Variants in ST18 observed in about 807,000 individuals in gnomAD.
The protein encoded by ST18 is ST18 C2H2C-type zinc finger transcription factor.
ST18 carries 50 observed loss-of-function variants against 110.0 expected under a neutral mutation model. The observed-to-expected ratio is 0.45, with a 90% CI of 0.36 to 0.58. The LOEUF (loss-of-function observed/expected upper bound fraction) is 0.58, where lower values mean the gene tolerates loss of function less well. ST18 is among the 20% of genes least tolerant of loss of function. The pLI is 0.00. For missense variants in ST18, 1,306 were observed against 1,280.1 expected, an observed-to-expected ratio of 1.02 and a Z score of -0.31; for synonymous variants, 461 against 452.4, an observed-to-expected ratio of 1.02 and a Z score of -0.24.
At chr8:52,287,815 A>G (rs547169475) in intron 2 of ST18, among the ~76,000 whole-genome samples, 1 of 152,332 alleles carries the variant, frequency 6.6e-6, no homozygotes, top group South Asian at 2.1e-4. Flanking sequence ...TATCTGAGCT[A>G]GTGGGCTGAG....
At position 52,386,679 on chromosome 8, in the gene ST18, AG is replaced by A. The variant is rs546247854; in HGVS notation, c.-465+22648del. On this transcript the variant is annotated intron_variant, in intron 2 of 25. Coordinates refer to ENST00000689386, the MANE Select transcript of ST18 (RefSeq NM_001352837.2). ...ATATTATCTTTCCTTTTATTTTAAA[AG>A]GGGAGAGTTCTCCTTATAAGCCTGC... 4.2e-3 allele frequency among the ~76,000 whole-genome samples: 641 copies of A among 152,314 alleles called. 9 individuals carry two copies. The highest frequency in any genetic ancestry group is 0.015 in the African/African-American group (608 of 41,566).
intron 2 of ST18, among the ~76,000 whole-genome samples, chr8:52,279,411 T>C (rs1246907344): frequency 1.3e-5 from 2 of 151,992 alleles, no homozygotes; most frequent in African/African-American, 4.8e-5. Flanking sequence ...TATGAAAAGA[T>C]TTGGAACACA....
At chr8:52,368,004 G>C (rs2140547031) in intron 2 of ST18, among the ~76,000 whole-genome samples, 1 of 152,248 alleles carries the variant, frequency 6.6e-6, no homozygotes, top group African/African-American at 2.4e-5. Flanking sequence ...TTTCACTTGG[G>C]ATTTTAGTGT....
chr8:52,188,731 C>A (rs1011214926), intron 8 of ST18, among the ~76,000 whole-genome samples: 2 of 152,146 alleles, frequency 1.3e-5, no homozygotes, highest in African/African-American at 4.8e-5. Flanking sequence ...TGTGGCTGTA[C>A]TAGCAGTGGT....
intron 8 of ST18, among the ~76,000 whole-genome samples, chr8:52,185,506 T>C (rs930160159): frequency 6.6e-6 from 1 of 152,168 alleles, no homozygotes; most frequent in Non-Finnish European, 1.5e-5. Flanking sequence ...AGCCTTACAA[T>C]GTTGAATGTC....
chr8:52,135,755 A>C (rs2051924955), intron 19 of ST18, among the ~76,000 whole-genome samples: 2 of 152,098 alleles, frequency 1.3e-5, no homozygotes, highest in African/African-American at 4.8e-5. Flanking sequence ...AATTTTAAAC[A>C]GCTTAAAAAA....
At chr8:52,170,656 T>C (rs542673590) in intron 10 of ST18, among the ~76,000 whole-genome samples, 17 of 152,250 alleles carry the variant, frequency 1.1e-4, no homozygotes, top group Admixed American at 1.1e-3. Context: ...TGCACAGAGC[T>C]AGATACAGTG....
At chr8:52,152,149 C>A (rs190157447) in intron 15 of ST18, among the ~76,000 whole-genome samples, 5 of 152,170 alleles carry the variant, frequency 3.3e-5, no homozygotes, top group Non-Finnish European at 4.4e-5. Flanking sequence ...AGAGAGCGGG[C>A]GGCTCACTGG....
At chr8:52,152,148 G>A (rs922314859) in intron 15 of ST18, among the ~76,000 whole-genome samples, 1 of 152,194 alleles carries the variant, frequency 6.6e-6, no homozygotes, top group East Asian at 1.9e-4. Flanking sequence ...GAGAGAGCGG[G>A]CGGCTCACTG....
intron 2 of ST18, among the ~76,000 whole-genome samples, chr8:52,252,919 C>A (rs1030737381): frequency 6.6e-6 from 1 of 151,852 alleles, no homozygotes; most frequent in Non-Finnish European, 1.5e-5. Context: ...GTTAGGGAAG[C>A]CTAATTTTAG....
At chr8:52,280,154 C>A (rs535662599) in intron 2 of ST18, among the ~76,000 whole-genome samples, 1 of 151,058 alleles carries the variant, frequency 6.6e-6, no homozygotes, top group East Asian at 1.9e-4. Flanking sequence ...TAGGAATAAC[C>A]GCTAAAAAAA....
At position 52,297,539 on chromosome 8, in the gene ST18, C is replaced by T. The variant is rs541674883; in HGVS notation, c.-464-67462G>A. ...CAGCCTAGAAAAAATAGTATGTTTG[C>T]TCTGGCAGGACTAAGGTAAAATCAA... On this transcript the variant is annotated intron_variant, in intron 2 of 25. Coordinates refer to ENST00000689386, the MANE Select transcript of ST18 (RefSeq NM_001352837.2). Among the ~76,000 whole-genome samples the T allele has an allele frequency of 3.8e-3, 576 of 152,082 alleles. 1 individual carries two copies. Among genetic ancestry groups the T allele is most frequent in the Middle Eastern group, 0.027 (8 of 294 alleles).
intron 2 of ST18, among the ~76,000 whole-genome samples, chr8:52,269,080 A>G (rs1026506230): frequency 6.6e-6 from 1 of 152,142 alleles, no homozygotes; most frequent in African/African-American, 2.4e-5. Flanking sequence ...ATCTAGGAAA[A>G]AATTTTAGAC....
intron 2 of ST18, among the ~76,000 whole-genome samples, chr8:52,357,715 ATATATATATATATAT>A (rs1564568671): frequency 1.7e-3 from 123 of 72,928 alleles, no homozygotes; most frequent in Non-Finnish European, 2.4e-3. Context: ...ATATATATAT[ATATATATATATATAT>A]AAAACAGACT....
intron 2 of ST18, among the ~76,000 whole-genome samples, chr8:52,236,715 C>G (rs1390410386): frequency 6.6e-6 from 1 of 151,882 alleles, no homozygotes; most frequent in Non-Finnish European, 1.5e-5. Flanking sequence ...GAAAGATCCA[C>G]AATGATAGCG....
chr8:52,177,771 C>T (rs1023573615), intron 9 of ST18, among the ~76,000 whole-genome samples: 1 of 152,124 alleles, frequency 6.6e-6, no homozygotes, highest in African/African-American at 2.4e-5. Context: ...AATTATCTTC[C>T]TTCTAACACC....
intron 2 of ST18, among the ~76,000 whole-genome samples, chr8:52,281,487 T>C (rs962752448): frequency 6.6e-5 from 10 of 152,158 alleles, no homozygotes; most frequent in African/African-American, 2.4e-4. Flanking sequence ...GGAAAACTCA[T>C]GGAAACATTA....
rs536490683 is a variant in ST18, at chr8:52,172,305, A to C, written c.556T>G (p.Phe186Val). ...RDKIDDSQPP[F>V]CSSDDNESNS... ...CTTTCATTGTCATCAGAGGAGCAGA[A>C]GGGTGGCTGAGAATCATCAATCTTG... Residue 186 changes from phenylalanine (F) to valine (V), a missense_variant, in exon 10 of 26, where the codon TTC becomes GTC. Transcript: ENST00000689386. The C allele has an allele frequency of 7.7e-5, 125 of 1,614,228 alleles. 3 individuals carry two copies. In the South Asian group the frequency reaches 9.1e-4, roughly 12 times the overall value.
intron 2 of ST18, among the ~76,000 whole-genome samples, chr8:52,249,693 A>C (rs1156253300): frequency 6.6e-6 from 1 of 152,140 alleles, no homozygotes; most frequent in Non-Finnish European, 1.5e-5. Context: ...AAAAAATTAG[A>C]ATACTGAGGT....
Sources: allele counts gnomAD v4.1 joint callset (sites outside exome capture counted in the v4.1 genomes callset), GRCh38; gene constraint gnomAD v4.1.1; transcripts MANE v1.5; gene names NCBI Gene and HGNC (gene_info 2026-07-23, HGNC 2026-07-21).